Variants in JAKMIP3 observed in about 807,000 individuals in gnomAD.
JAKMIP3 encodes Janus kinase and microtubule interacting protein 3.
JAKMIP3 carries 58 observed loss-of-function variants against 118.5 expected under a neutral mutation model. The ratio of observed to expected loss-of-function variants is 0.49; its 90% CI spans 0.40 to 0.61. The LOEUF (loss-of-function observed/expected upper bound fraction) is 0.61. Among genes scored for constraint, JAKMIP3 ranks in the 20% least tolerant of loss-of-function variants. JAKMIP3 has a pLI of 0.00. For synonymous variants in JAKMIP3, 486 were observed against 451.2 expected, an observed-to-expected ratio of 1.08 and a Z score of -0.98; for missense variants, 950 against 1,109.0, an observed-to-expected ratio of 0.86 and a Z score of 2.04.
At position 132,124,431 on chromosome 10, in the gene JAKMIP3, C is replaced by T. The variant is rs2049126371; in HGVS notation, c.633+6857C>T. Among the ~76,000 whole-genome samples, 2 of 148,792 alleles carry T rather than the reference C, an allele frequency of 1.3e-5. 1 individual carries two copies. Among genetic ancestry groups the T allele is most frequent in the Non-Finnish European group, 3.0e-5 (2 of 66,266 alleles). On this transcript the variant is annotated intron_variant, in intron 3 of 23. Transcript: ENST00000684848. The stretch of plus-strand genomic sequence containing the variant: ...TCCATTGCCATGCAGTCACCTGTCC[C>T]ACCCTGGCACATCACCGCCGAGCCG...
intron 23 of JAKMIP3, among the ~76,000 whole-genome samples, chr10:132,177,638 C>T (rs908251545): frequency 4.7e-5 from 7 of 148,238 alleles, no homozygotes; most frequent in Non-Finnish European, 7.4e-5. Context: ...TATACACTTG[C>T]TCCTGTGTCC....
intron 2 of JAKMIP3, among the ~76,000 whole-genome samples, chr10:132,108,373 G>A (rs2046247647): frequency 6.6e-6 from 1 of 152,106 alleles, no homozygotes; most frequent in Non-Finnish European, 1.5e-5. Flanking sequence ...AGTCCCGGGG[G>A]ACAGTGGATT....
At chr10:132,043,030 G>T (rs778669880) in intron 1 of JAKMIP3, among the ~76,000 whole-genome samples, 10 of 151,858 alleles carry the variant, frequency 6.6e-5, no homozygotes, top group Non-Finnish European at 1.0e-4. Flanking sequence ...GGAGACAGAG[G>T]TTGCAGTGAG....
In JAKMIP3 at chr10:132,168,775, C is replaced by T. The variant is rs540400994; in HGVS notation, c.*845C>T. 55 of 248,736 alleles carry T rather than the reference C, an allele frequency of 2.2e-4. No individual in the cohort carries two copies. Among genetic ancestry groups the T allele is most frequent in the South Asian group, 1.7e-3 (39 of 23,444 alleles). The allele number at this position is 248,736 out of a possible 1,614,324, so 15.4% of individuals were successfully genotyped here. ...GCGGAGCTGGCTGGAACACGGATGCCAGAGGCTGCCTCCATAGTGAATCTC... is the reference window on the plus strand; with the variant it reads ...GCGGAGCTGGCTGGAACACGGATGCTAGAGGCTGCCTCCATAGTGAATCTC... On this transcript the variant is annotated 3_prime_UTR_variant, in exon 23 of 24. Coordinates refer to ENST00000684848, the MANE Select transcript of JAKMIP3 (RefSeq NM_001323087.2).
chr10:132,144,255 G>C (rs960993502), intron 11 of JAKMIP3: 3 of 152,282 alleles, frequency 2.0e-5, no homozygotes, highest in African/African-American at 7.2e-5. Flanking sequence ...ATGCGGACGG[G>C]GGAAGCGCCA....
chr10:132,037,401 G>GTT (rs987498874), intron 1 of JAKMIP3, among the ~76,000 whole-genome samples: 2 of 152,136 alleles, frequency 1.3e-5, no homozygotes, highest in African/African-American at 4.8e-5. Flanking sequence ...GTCTGCAAAT[G>GTT]TAAGAAATGG....
At position 132,136,061 on chromosome 10, in the gene JAKMIP3, G is replaced by C. The variant is rs2051698501; in HGVS notation, c.1101G>C (p.Gln367His). 1 of 1,613,646 alleles carries C rather than the reference G, an allele frequency of 6.2e-7. No individual in the cohort carries two copies. The highest frequency in any genetic ancestry group is 1.1e-5 in the South Asian group (1 of 91,066). Residue 367 changes from glutamine to histidine, a missense_variant, in exon 6 of 24, where the codon CAG becomes CAC. Gln to His is a conservative substitution (Grantham distance 24). Transcript: ENST00000684848. ...AAAACAAGTTAAAATTTGTCACCCA[G>C]GAGAACATAGAAATGGTGAGGGGGT... ...RMENKLKFVTQENIEMRQRAG... is the reference protein window; with the variant it reads ...RMENKLKFVTHENIEMRQRAG...
At chr10:132,138,051 T>C (rs888010246) in intron 8 of JAKMIP3, 68 bp from the exon 9 acceptor site, 1 of 1,446,896 alleles carries the variant, frequency 6.9e-7, no homozygotes, top group Non-Finnish European at 9.6e-7. Flanking sequence ...ACACGGGCAG[T>C]AAACCGTGGA....
In JAKMIP3 at chr10:132,167,027, G is replaced by A. The variant is rs1380582992; in HGVS notation, c.2535G>A (p.Trp845Ter). The part of the protein sequence containing the change: ...FLFFSLAFIL[W>*]S ...TTTTCTCCTTAGCTTTCATTCTCTGGTCATAGTCCGTCTTGGCACCCTGAC... is the reference window on the plus strand; with the variant it reads ...TTTTCTCCTTAGCTTTCATTCTCTGATCATAGTCCGTCTTGGCACCCTGAC... Residue 845 changes from tryptophan (W) to a stop codon, truncating the protein, a stop_gained, in exon 22 of 24, where the codon TGG becomes TGA. Transcript: ENST00000684848. LOFTEE classifies it high-confidence loss of function. 1 of 1,549,440 alleles carries A rather than the reference G, an allele frequency of 6.5e-7. No homozygotes were observed. The highest frequency in any genetic ancestry group is 8.7e-7 in the Non-Finnish European group (1 of 1,145,786).
rs1589909782 is a variant in JAKMIP3, at chr10:132,137,402, C to G, written c.1284+113C>G. On this transcript the variant is annotated intron_variant, in intron 8 of 23. Transcript: ENST00000684848. ...GACCAGACAGAAGCGGCCGCGGCAG[C>G]CTTTCGGGTGGATTTTGTTGTTGCA... 3 of 1,342,742 alleles carry G rather than the reference C, an allele frequency of 2.2e-6. No homozygotes were observed. In the African/African-American group the frequency reaches 4.3e-5, roughly 19 times the overall value. 83.2% of individuals were successfully genotyped at this position (1,342,742 alleles called of 1,614,324 possible). A position where few individuals can be genotyped will look rare whatever the true frequency, so the allele number is the denominator to read the frequency against.
rs2042628974 is a variant in JAKMIP3, at chr10:132,088,106, A to G, written c.-137-16566A>G. On this transcript the variant is annotated intron_variant, in intron 1 of 23. Transcript: ENST00000684848. ...CCACATTTTCTTAATCCAGTCTATC[A>G]TTGATGGACATTTGGGTTGGTTCCA... Among the ~76,000 whole-genome samples the G allele has an allele frequency of 2.0e-5, 3 of 152,028 alleles. No homozygotes were observed. The South Asian group carries it at 6.3e-4, about 32-fold the overall frequency.
At chr10:132,108,964 A>ATATAAATTATATACGCAAATG (rs2046349866) in intron 2 of JAKMIP3, among the ~76,000 whole-genome samples, 1 of 149,116 alleles carries the variant, frequency 6.7e-6, no homozygotes, top group Non-Finnish European at 1.5e-5. Context: ...GCAAATGTAT[A>ATATAAATTATATACGCAAATG]TATAAATTAT....
chr10:132,123,235 C>T (rs2048859751), intron 3 of JAKMIP3, among the ~76,000 whole-genome samples: 1 of 152,220 alleles, frequency 6.6e-6, no homozygotes, highest in African/African-American at 2.4e-5. Context: ...GCCCCAGAAG[C>T]AGCTGCGTGG....
In JAKMIP3 at chr10:132,135,935, G is replaced by C; in HGVS notation, c.975G>C (p.Lys325Asn). The C allele has an allele frequency of 6.2e-7, 1 of 1,611,448 alleles. No individual in the cohort carries two copies. Among genetic ancestry groups the C allele is most frequent in the Non-Finnish European group, 8.5e-7 (1 of 1,179,154 alleles). The change falls in exon 6 of 24, where the codon AAG becomes AAC. Residue 325 changes from lysine to asparagine, a missense_variant. Lys to Asn is a moderately conservative substitution (Grantham distance 94). Transcript: ENST00000684848. ...CATAGTGCGTTGTCTTTCAGTTGAA[G>C]CGCGTAAGAGAAGCTGAGAGTCAGT... Reference protein sequence around the residue: ...LLSEERNELLKRVREAESQYK... With the variant: ...LLSEERNELLNRVREAESQYK...
chr10:132,154,188 C>T (rs546210596), intron 19 of JAKMIP3, among the ~76,000 whole-genome samples, 198 bp downstream of exon 19: 4 of 152,338 alleles, frequency 2.6e-5, no homozygotes, highest in East Asian at 3.9e-4. Flanking sequence ...GCTTCATAAA[C>T]GGAGCAGGAT....
intron 1 of JAKMIP3, among the ~76,000 whole-genome samples, chr10:132,088,636 A>C (rs1284820559): frequency 6.6e-6 from 1 of 151,820 alleles, no homozygotes; most frequent in Non-Finnish European, 1.5e-5. Flanking sequence ...GATTGCAAAA[A>C]TTTTCTCCCA....
intron 1 of JAKMIP3, among the ~76,000 whole-genome samples, chr10:132,086,496 T>C (rs1239369455): frequency 6.6e-6 from 1 of 152,158 alleles, no homozygotes; most frequent in Non-Finnish European, 1.5e-5. Flanking sequence ...TGTCTATTTC[T>C]TTTTTTAGGT....
At chr10:132,089,792 C>T (rs1291741606) in intron 1 of JAKMIP3, among the ~76,000 whole-genome samples, 3 of 152,216 alleles carry the variant, frequency 2.0e-5, no homozygotes, top group East Asian at 3.9e-4. Flanking sequence ...GTGCCAGTTT[C>T]CAAAGGGAAT....
At chr10:132,139,249 T>A (rs114843064) in intron 9 of JAKMIP3, among the ~76,000 whole-genome samples, 16 of 99,824 alleles carry the variant, frequency 1.6e-4, no homozygotes, top group South Asian at 2.8e-4. Context: ...TCTGTGTGTG[T>A]ATGTGTGTGT....
Sources: allele counts gnomAD v4.1 joint callset (sites outside exome capture counted in the v4.1 genomes callset), GRCh38; gene constraint gnomAD v4.1.1; transcripts MANE v1.5; gene names NCBI Gene and HGNC (gene_info 2026-07-23, HGNC 2026-07-21).